NTMT2: variants seen among roughly 807,000 people sequenced by gnomAD.
NTMT2 encodes X-Pro-Lys N-terminal protein methyltransferase 1B.
Under a neutral mutation model 23.4 loss-of-function variants are expected in NTMT2, and 21 were observed. The ratio of observed to expected loss-of-function variants is 0.90; its 90% CI spans 0.64 to 1.29. The LOEUF (loss-of-function observed/expected upper bound fraction) is 1.29, where lower values mean the gene tolerates loss of function less well. Ranked by LOEUF, NTMT2 falls within the 50% of genes most tolerant of loss-of-function variation. The pLI, the probability that NTMT2 is intolerant of heterozygous loss-of-function variation, is 0.00. For missense variants in NTMT2, 336 were observed against 352.0 expected (o/e 0.95, Z 0.36); for synonymous variants, 131 against 127.7 (o/e 1.03, Z -0.17).
chr1:170,165,630 A>G (rs1355528076), intron 2 of NTMT2, among the ~76,000 whole-genome samples: 1 of 152,224 alleles, frequency 6.6e-6, no homozygotes, highest in Non-Finnish European at 1.5e-5. Flanking sequence ...CCTAGAAAAG[A>G]TAAAATTCAA....
At chr1:170,150,898 T>C (rs1216692220) in intron 1 of NTMT2, among the ~76,000 whole-genome samples, 4 of 152,286 alleles carry the variant, frequency 2.6e-5, no homozygotes, top group East Asian at 3.9e-4. Context: ...ACTGGAGATG[T>C]TGGGACAACA....
At chr1:170,148,323 T>A (rs1389607623) in intron 1 of NTMT2, among the ~76,000 whole-genome samples, 1 of 151,662 alleles carries the variant, frequency 6.6e-6, no homozygotes, top group East Asian at 1.9e-4. Context: ...TATTTTTTTT[T>A]TTTATTTTTA....
chr1:170,166,806 C>A, intron 3 of NTMT2, 55 bp downstream of exon 3: 2 of 1,537,810 alleles, frequency 1.3e-6, no homozygotes, highest in Non-Finnish European at 1.8e-6. Context: ...CCAGAGAAGA[C>A]AGTCCTTGGG....
intron 3 of NTMT2, 79 bp downstream of exon 3, chr1:170,166,830 C>T: frequency 8.8e-6 from 13 of 1,472,698 alleles, no homozygotes; most frequent in Non-Finnish European, 1.2e-5. Flanking sequence ...AATGAGGGCA[C>T]CAGGGAAGAG....
intron 1 of NTMT2, among the ~76,000 whole-genome samples, chr1:170,153,550 T>C (rs1001256392): frequency 1.2e-4 from 19 of 152,346 alleles, no homozygotes; most frequent in Non-Finnish European, 2.5e-4. Flanking sequence ...TGTTATGCTT[T>C]AGCAAAGAGC....
intron 1 of NTMT2, among the ~76,000 whole-genome samples, chr1:170,150,119 T>C (rs931813867): frequency 2.0e-5 from 3 of 152,210 alleles, no homozygotes; most frequent in Non-Finnish European, 2.9e-5. Flanking sequence ...GGTAATTATA[T>C]GGAAAGAACG....
intron 1 of NTMT2, among the ~76,000 whole-genome samples, chr1:170,152,262 C>G (rs867728032): frequency 6.6e-6 from 1 of 152,160 alleles, no homozygotes; most frequent in African/African-American, 2.4e-5. Context: ...CTATAAAATT[C>G]TACAGAGGTG....
At chr1:170,165,626 A>G (rs942880237) in intron 2 of NTMT2, among the ~76,000 whole-genome samples, 1 of 152,220 alleles carries the variant, frequency 6.6e-6, no homozygotes, top group African/African-American at 2.4e-5. Context: ...TTTGCCTAGA[A>G]AAGATAAAAT....
chr1:170,149,926 T>C (rs897556704), intron 1 of NTMT2, among the ~76,000 whole-genome samples: 1 of 152,240 alleles, frequency 6.6e-6, no homozygotes. Flanking sequence ...ATTATGTTTT[T>C]CAGTTTGGAA....
rs1673442882 is a variant in NTMT2, at chr1:170,168,425, T to C, written c.*668T>C. ...TACTACTACTTCTCTTGAACAAACA[T>C]CTCCCTCTAATTAAGAAGACACTAG... is the stretch of plus-strand genomic sequence containing the variant. On this transcript the variant is annotated 3_prime_UTR_variant, in exon 4 of 4. Transcript: ENST00000439373. Among the ~76,000 whole-genome samples, 1 of 152,148 alleles carries C rather than the reference T, an allele frequency of 6.6e-6. No homozygotes were observed. The highest frequency in any genetic ancestry group is 2.4e-5 in the African/African-American group (1 of 41,446).
intron 2 of NTMT2, among the ~76,000 whole-genome samples, chr1:170,164,387 C>A (rs945246053): frequency 6.6e-6 from 1 of 152,186 alleles, no homozygotes; most frequent in African/African-American, 2.4e-5. Flanking sequence ...TCTTATTGAG[C>A]ATACACATTT....
chr1:170,146,263 T>C lies in NTMT2; in HGVS notation c.154+2T>C. On this transcript the variant is annotated splice_donor_variant, in intron 1 of 3. Coordinates refer to ENST00000439373, the MANE Select transcript of NTMT2 (RefSeq NM_001136107.2). LOFTEE classifies it high-confidence loss of function. ...ACCTGCTGGAAAAAATTCCCCTGGG[T>C]AAGTGAGTCAGAGCTACTAGATAAG... is the stretch of plus-strand genomic sequence containing the variant. 2.6e-6 allele frequency: 4 copies of C among 1,549,524 alleles called. No individual in the cohort carries two copies. Among genetic ancestry groups the C allele is most frequent in the Non-Finnish European group, 3.5e-6 (4 of 1,146,398 alleles).
At chr1:170,146,443 G>A (rs1371881546) in intron 1 of NTMT2, among the ~76,000 whole-genome samples, 182 bp downstream of exon 1, 3 of 152,066 alleles carry the variant, frequency 2.0e-5, no homozygotes, top group East Asian at 1.9e-4. Flanking sequence ...CAAAGATTAA[G>A]TGCCTAAAAT....
At position 170,167,582 on chromosome 1, in the gene NTMT2, G is replaced by T; in HGVS notation, c.677G>T (p.Arg226Leu). Residue 226 changes from arginine to leucine, a missense_variant, in exon 4 of 4, where the codon CGG (arginine) becomes CTG (leucine). Transcript: ENST00000439373. ...GIIILKDNVA[R>L]EGCILDLSDS... ...ATCATATTGAAGGACAATGTGGCCC[G>T]GGAGGGCTGTATCCTTGATCTCTCT... The T allele has an allele frequency of 1.3e-6, 2 of 1,551,676 alleles. No homozygotes were observed. Among genetic ancestry groups the T allele is most frequent in the Non-Finnish European group, 1.7e-6 (2 of 1,146,998 alleles).
At chr1:170,159,465 A>C (rs575985400) in intron 1 of NTMT2, among the ~76,000 whole-genome samples, 40 of 85,686 alleles carry the variant, frequency 4.7e-4, no homozygotes, top group African/African-American at 1.6e-3. Flanking sequence ...TCTCATTCGT[A>C]CATTTGCCTT....
intron 1 of NTMT2, among the ~76,000 whole-genome samples, chr1:170,153,899 G>A (rs1309328188): frequency 1.4e-5 from 2 of 144,986 alleles, no homozygotes; most frequent in African/African-American, 5.8e-5. Flanking sequence ...CCAAGATGAT[G>A]GGGAAAAGGT....
chr1:170,166,547 G>A lies in NTMT2; in HGVS notation c.376G>A (p.Gly126Arg), dbSNP rs757310731. The change falls in exon 3 of 4, where the codon GGG becomes AGG. Residue 126 changes from glycine (G) to arginine (R), a missense_variant. By Grantham distance (125) the Gly-to-Arg change is moderately radical. Coordinates refer to ENST00000439373, the MANE Select transcript of NTMT2 (RefSeq NM_001136107.2). Reference protein sequence around the residue: ...GTDCALDCGSGIGRVSKHVLL... With the variant: ...GTDCALDCGSRIGRVSKHVLL... ...AGACTGCGCCTTGGACTGCGGCTCCGGGATAGGAAGGGTCAGCAAACACGT... is the reference window on the plus strand; with the variant it reads ...AGACTGCGCCTTGGACTGCGGCTCCAGGATAGGAAGGGTCAGCAAACACGT... 2.4e-5 allele frequency: 37 copies of A among 1,552,154 alleles called. No individual in the cohort carries two copies. Among genetic ancestry groups the A allele is most frequent in the South Asian group, 4.8e-5 (4 of 84,060 alleles).
intron 3 of NTMT2, among the ~76,000 whole-genome samples, chr1:170,167,047 A>G (rs1571829098): frequency 6.6e-6 from 1 of 152,344 alleles, no homozygotes; most frequent in East Asian, 1.9e-4. Context: ...ATACTTGAAA[A>G]AATTTCAAAA....
At chr1:170,154,515 T>C (rs1251982200) in intron 1 of NTMT2, among the ~76,000 whole-genome samples, 2 of 152,226 alleles carry the variant, frequency 1.3e-5, no homozygotes, top group Non-Finnish European at 2.9e-5. Flanking sequence ...TTTTGGAGCT[T>C]TAAGACTTAA....
Sources: allele counts gnomAD v4.1 joint callset (sites outside exome capture counted in the v4.1 genomes callset), GRCh38; gene constraint gnomAD v4.1.1; transcripts MANE v1.5; gene names NCBI Gene and HGNC (gene_info 2026-07-23, HGNC 2026-07-21).